Variants in MYH15 observed in about 807,000 individuals in gnomAD.
The protein encoded by MYH15 is myosin heavy chain 15.
Under a neutral mutation model 240.5 loss-of-function variants are expected in MYH15, and 227 were observed. The ratio of observed to expected loss-of-function variants is 0.94; its 90% confidence interval spans 0.85 to 1.05. MYH15 has a LOEUF of 1.05. Ranked by LOEUF, MYH15 falls within the 50% of genes least tolerant of loss-of-function variation. The pLI is 0.00. For synonymous variants in MYH15, 785 were observed against 796.7 expected, an observed-to-expected ratio of 0.99 and a Z score of 0.25; for missense variants, 2,217 against 2,247.5, an observed-to-expected ratio of 0.99 and a Z score of 0.27.
chr3:108,435,708 A>G (rs958540060), intron 25 of MYH15, among the ~76,000 whole-genome samples: 2 of 148,910 alleles, frequency 1.3e-5, no homozygotes, highest in Non-Finnish European at 3.0e-5. Flanking sequence ...ATATATATAT[A>G]TATGTATGTA....
chr3:108,454,599 C>T (rs1325895832), intron 20 of MYH15, among the ~76,000 whole-genome samples: 2 of 152,038 alleles, frequency 1.3e-5, no homozygotes, highest in Non-Finnish European at 2.9e-5. Flanking sequence ...CCATCTAAAA[C>T]CATTTTTAGC....
At chr3:108,536,791 A>C in the MYH15 span, among the ~76,000 whole-genome samples, 1 of 152,192 alleles carries the variant, frequency 6.6e-6, no homozygotes, top group East Asian at 1.9e-4. Context: ...CACTTACGGG[A>C]TACCTCAGCA....
In MYH15 at chr3:108,456,930, T is replaced by G. The variant is rs775639934; in HGVS notation, c.2021-47A>C. ...GGTGGATCTGTGCCTGAAAAAAAAT[T>G]ATTGGGACAGATTTTGAACCAATTG... On this transcript the variant is annotated intron_variant, in intron 18 of 40. Coordinates refer to ENST00000693548, the MANE Select transcript of MYH15 (RefSeq NM_014981.3). The G allele has an allele frequency of 1.6e-5, 22 of 1,387,752 alleles. 1 individual carries two copies. Among genetic ancestry groups the G allele is most frequent in the Middle Eastern group, 1.8e-4 (1 of 5,530 alleles). 86.0% of individuals were successfully genotyped at this position (1,387,752 alleles called of 1,614,324 possible).
Position 108,383,745 on chromosome 3 carries a change from A to AC in MYH15, c.5632-17_5632-16insG, listed in dbSNP as rs767963441. On this transcript the variant is annotated splice_polypyrimidine_tract_variant and intron_variant, in intron 39 of 40. Coordinates refer to ENST00000693548, the MANE Select transcript of MYH15 (RefSeq NM_014981.3). ...CTTGTGTTTCCTATAAAAATAAAAA[A>AC]AAAAAAAAAGAAATCTCCATGCCTA... The AC allele has an allele frequency of 2.7e-5, 42 of 1,534,188 alleles. No homozygotes were observed. The highest frequency in any genetic ancestry group is 3.7e-5 in the Non-Finnish European group (42 of 1,148,408).
At chr3:108,424,082 T>C (rs969526508) in intron 27 of MYH15, among the ~76,000 whole-genome samples, 1 of 152,248 alleles carries the variant, frequency 6.6e-6, no homozygotes, top group African/African-American at 2.4e-5. Flanking sequence ...TGCACCTGTG[T>C]GCTTAGGGTG....
At position 108,414,326 on chromosome 3, in the gene MYH15, G is replaced by T. The variant is rs373059438; in HGVS notation, c.4051C>A (p.Arg1351=). The T allele has an allele frequency of 6.8e-6, 11 of 1,613,968 alleles. No individual in the cohort carries two copies. The highest frequency in any genetic ancestry group is 9.3e-6 in the Non-Finnish European group (11 of 1,180,006). The change falls in exon 30 of 41, where the codon CGG becomes AGG. Residue 1351 remains arginine, a synonymous_variant. Coordinates refer to ENST00000693548, the MANE Select transcript of MYH15 (RefSeq NM_014981.3). ...TCAGCATTGACTTTGGATAAGGTCCGGTGCAGCTCAGCCTTGACCTCTTGT... is the reference window on the plus strand; with the variant it reads ...TCAGCATTGACTTTGGATAAGGTCCTGTGCAGCTCAGCCTTGACCTCTTGT... The part of the protein sequence containing the change: ...EEQEVKAELH[R]TLSKVNAEMV...
the MYH15 span, among the ~76,000 whole-genome samples, chr3:108,546,884 T>C: frequency 2.0e-5 from 3 of 152,146 alleles, no homozygotes; most frequent in Admixed American, 6.6e-5. Flanking sequence ...GTCAGTTCGC[T>C]GCAAAATGCT....
Position 108,383,739 on chromosome 3 carries a change from T to C in MYH15, c.5632-10A>G, listed in dbSNP as rs7426463. ...GATTGGCTTGTGTTTCCTATAAAAA[T>C]AAAAAAAAAAAAAAAGAAATCTCCA... On this transcript the variant is annotated splice_polypyrimidine_tract_variant and intron_variant, in intron 39 of 40. Transcript: ENST00000693548. The C allele has an allele frequency of 0.017, 22,293 of 1,342,480 alleles. 1,946 individuals carry two copies. The highest frequency in any genetic ancestry group is 0.052 in the Admixed American group (1,945 of 37,666). 83.2% of individuals were successfully genotyped at this position (1,342,480 alleles called of 1,614,324 possible).
Position 108,401,338 on chromosome 3 carries a change from G to A in MYH15, c.4737-2071C>T, listed in dbSNP as rs183958150. Among the ~76,000 whole-genome samples, 7 of 151,708 alleles carry A rather than the reference G, an allele frequency of 4.6e-5. No individual in the cohort carries two copies. The East Asian group carries it at 5.8e-4, about 13-fold the overall frequency. ...GGAAGAGACACAGGGATGCATGTGC[G>A]CAGAGGAAAGCACAGATGAGGATGC... On this transcript the variant is annotated intron_variant, in intron 33 of 40. Transcript: ENST00000693548.
At chr3:108,383,913 A>AT (rs1016809803) in intron 39 of MYH15, among the ~76,000 whole-genome samples, 184 bp from the exon 40 acceptor site, 2 of 152,016 alleles carry the variant, frequency 1.3e-5, no homozygotes, top group Admixed American at 6.6e-5. Flanking sequence ...TATAAGATCC[A>AT]TTTTTTTATA....
At chr3:108,544,443 C>T in the MYH15 span, among the ~76,000 whole-genome samples, 1 of 152,256 alleles carries the variant, frequency 6.6e-6, no homozygotes, top group South Asian at 2.1e-4. Flanking sequence ...TTGGGTGGAT[C>T]ATATCCACCC....
chr3:108,540,972 A>T, the MYH15 span, among the ~76,000 whole-genome samples: 1 of 152,090 alleles, frequency 6.6e-6, no homozygotes, highest in Non-Finnish European at 1.5e-5. Context: ...ATGAACAATG[A>T]CAAAAAGCTA....
intron 16 of MYH15, among the ~76,000 whole-genome samples, chr3:108,462,220 G>A (rs1216388245): frequency 6.6e-6 from 1 of 152,102 alleles, no homozygotes; most frequent in Non-Finnish European, 1.5e-5. Flanking sequence ...TGAGGCTGGT[G>A]TTAACAACTT....
chr3:108,502,122 G>T (rs2083443235), intron 2 of MYH15, among the ~76,000 whole-genome samples: 1 of 152,046 alleles, frequency 6.6e-6, no homozygotes, highest in Admixed American at 6.6e-5. Flanking sequence ...TATGGCTTCT[G>T]GCTAGCCCTG....
At chr3:108,401,666 C>G (rs2082506959) in intron 33 of MYH15, among the ~76,000 whole-genome samples, 1 of 152,262 alleles carries the variant, frequency 6.6e-6, no homozygotes, top group Non-Finnish European at 1.5e-5. Flanking sequence ...TCAAAATCCT[C>G]TGTACAGAAA....
chr3:108,420,982 T>A, intron 28 of MYH15, 106 bp downstream of exon 28: 1 of 1,489,248 alleles, frequency 6.7e-7, no homozygotes, highest in Non-Finnish European at 9.2e-7. Context: ...CCTAGGATCT[T>A]CAGATGCCCA....
rs1309762824 is a variant in MYH15, at chr3:108,470,752, C to T, written c.1329G>A (p.Leu443=). ...GAATGCCAATGAAGAACTGCCTTGA[C>T]AGCTTGGCATCCAGGGCCCTGTTGA... ...ARINRALDAK[L]SRQFFIGILD... Residue 443 remains leucine (L), a synonymous_variant, in exon 13 of 41, where the codon CTG becomes CTA. Transcript: ENST00000693548. 1 of 1,613,738 alleles carries T rather than the reference C, an allele frequency of 6.2e-7. No homozygotes were observed. Among genetic ancestry groups the T allele is most frequent in the Non-Finnish European group, 8.5e-7 (1 of 1,179,870 alleles).
rs139398739 is a variant in MYH15, at chr3:108,490,054, C to T, written c.871+2446G>A. Among the ~76,000 whole-genome samples the T allele has an allele frequency of 1.4e-3, 215 of 152,268 alleles. 1 individual carries two copies. The highest frequency in any genetic ancestry group is 0.014 in the Middle Eastern group (4 of 294). On this transcript the variant is annotated intron_variant, in intron 9 of 40. Coordinates refer to ENST00000693548, the MANE Select transcript of MYH15 (RefSeq NM_014981.3). ...AATAATCTTGCAGTCTCTGCTGGTA[C>T]CCACATTAGATCTTACGTGTCAGTT...
chr3:108,426,736 C>T lies in MYH15; in HGVS notation c.3702+1756G>A, dbSNP rs537686461. On this transcript the variant is annotated intron_variant, in intron 27 of 40. Transcript: ENST00000693548. ...GCAGAGCTGCCCCCAACACCCCAGA[C>T]TTGTAGAGCCACCAGCATGCAACAC... Among the ~76,000 whole-genome samples the T allele has an allele frequency of 3.3e-5, 5 of 152,258 alleles. No individual in the cohort carries two copies. In the South Asian group the frequency reaches 6.2e-4, roughly 19 times the overall value.
Sources: allele counts gnomAD v4.1 joint callset (sites outside exome capture counted in the v4.1 genomes callset), GRCh38; gene constraint gnomAD v4.1.1; transcripts MANE v1.5; gene names NCBI Gene and HGNC (gene_info 2026-07-23, HGNC 2026-07-21).